Variants in LRRC7 observed in about 807,000 individuals in gnomAD.
LRRC7 encodes the protein leucine-rich repeat-containing protein 7.
Under a neutral mutation model 175.7 loss-of-function variants are expected in LRRC7, and 23 were observed. That is an observed-to-expected ratio of 0.13 (90% CI 0.09 to 0.19). The LOEUF (loss-of-function observed/expected upper bound fraction) is 0.19, where lower values mean the gene tolerates loss of function less well. Among genes scored for constraint, LRRC7 ranks in the 10% least tolerant of loss-of-function variants. LRRC7 has a pLI of 1.00. For synonymous variants in LRRC7, 685 were observed against 680.9 expected (o/e 1.01, Z -0.09); for missense variants, 1,354 against 1,904.7 (o/e 0.71, Z 5.38).
At chr1:69,595,288 C>T (rs986768656) in intron 1 of LRRC7, among the ~76,000 whole-genome samples, 10 of 152,026 alleles carry the variant, frequency 6.6e-5, no homozygotes, top group South Asian at 2.1e-4. Context: ...GGCGTGGTGG[C>T]GGGCACCTGT....
chr1:69,950,394 T>A (rs1649795211), intron 8 of LRRC7, among the ~76,000 whole-genome samples: 1 of 152,044 alleles, frequency 6.6e-6, no homozygotes, highest in Non-Finnish European at 1.5e-5. Flanking sequence ...TTGGAAAGCT[T>A]GAAGAAATTA....
chr1:69,657,563 T>C (rs1404111071), intron 1 of LRRC7, among the ~76,000 whole-genome samples: 1 of 151,892 alleles, frequency 6.6e-6, no homozygotes, highest in African/African-American at 2.4e-5. Flanking sequence ...TTTTCCCCGA[T>C]GTGTCTTCTG....
intron 1 of LRRC7, among the ~76,000 whole-genome samples, chr1:69,657,240 T>C (rs1656735992): frequency 6.6e-6 from 1 of 151,828 alleles, no homozygotes; most frequent in African/African-American, 2.4e-5. Flanking sequence ...CTATGATTAA[T>C]CTGAAAGACT....
intron 21 of LRRC7, among the ~76,000 whole-genome samples, chr1:70,040,747 G>T (rs1316894893): frequency 1.3e-5 from 2 of 152,154 alleles, no homozygotes; most frequent in African/African-American, 2.4e-5. Context: ...CCAGGAGGTG[G>T]AGGTTGCAGT....
rs373529857 is a variant in LRRC7 at position 69,916,259 on chromosome 1, A to C, written c.648-15248A>C. 3.6e-3 allele frequency among the ~76,000 whole-genome samples: 480 copies of C among 132,708 alleles called. 7 individuals are homozygous for C. The highest frequency in any genetic ancestry group is 0.012 in the African/African-American group (437 of 35,770). 87.1% of individuals were successfully genotyped at this position (132,708 alleles called of 152,430 possible). On this transcript the variant is annotated intron_variant, in intron 7 of 26. Transcript: ENST00000651989. ...ATATTTTATATAAAATAAAAATATA[A>C]ATATAAAATATAAATATATATCATA...
rs1666563311 is a variant in LRRC7 at position 70,129,113 on chromosome 1, G to T, written c.*7226G>T. On this transcript the variant is annotated 3_prime_UTR_variant, in exon 27 of 27. Transcript: ENST00000651989. Reference sequence around the variant, plus strand: ...ATATGAAAAATTAGCCGGGCATTGTGGCGCGCACCTGTAATCCTAGTTACT... The same window carrying T: ...ATATGAAAAATTAGCCGGGCATTGTTGCGCGCACCTGTAATCCTAGTTACT... 6.6e-6 allele frequency among the ~76,000 whole-genome samples: 1 copy of T among 152,066 alleles called. No homozygotes were observed. The highest frequency in any genetic ancestry group is 2.1e-4 in the South Asian group (1 of 4,820).
At chr1:69,856,776 A>G (rs1433510565) in intron 7 of LRRC7, among the ~76,000 whole-genome samples, 1 of 152,340 alleles carries the variant, frequency 6.6e-6, no homozygotes, top group Non-Finnish European at 1.5e-5. Flanking sequence ...GGCCAGCATC[A>G]TCCTGATACC....
chr1:69,658,674 A>C (rs1374239893), intron 1 of LRRC7, among the ~76,000 whole-genome samples: 1 of 152,084 alleles, frequency 6.6e-6, no homozygotes, highest in Non-Finnish European at 1.5e-5. Flanking sequence ...CATTATATAA[A>C]ACATACAAAG....
rs1215393106 is a variant in LRRC7, at chr1:70,133,926, T to G, written c.*12039T>G. Among the ~76,000 whole-genome samples, 1 of 152,180 alleles carries G rather than the reference T, an allele frequency of 6.6e-6. No homozygotes were observed. Among genetic ancestry groups the G allele is most frequent in the Non-Finnish European group, 1.5e-5 (1 of 68,030 alleles). On this transcript the variant is annotated 3_prime_UTR_variant, in exon 27 of 27. Transcript: ENST00000651989. ...AGTTACTCAAAATTTATTTTTAAAG[T>G]TAACTTTCCAAAACTTAAACATCAG... is the stretch of plus-strand genomic sequence containing the variant.
intron 23 of LRRC7, among the ~76,000 whole-genome samples, chr1:70,061,267 G>A (rs139932899): frequency 6.6e-6 from 1 of 152,264 alleles, no homozygotes; most frequent in Non-Finnish European, 1.5e-5. Context: ...TCCTTTCAGA[G>A]AGTCATTCTC....
At chr1:69,916,306 T>G (rs1187639092) in intron 7 of LRRC7, among the ~76,000 whole-genome samples, 2 of 138,314 alleles carry the variant, frequency 1.4e-5, no homozygotes, top group African/African-American at 5.3e-5. Flanking sequence ...TATAAAACTA[T>G]ATATATATAT....
chr1:69,989,898 C>T (rs1184441298), intron 10 of LRRC7, among the ~76,000 whole-genome samples: 2 of 152,052 alleles, frequency 1.3e-5, no homozygotes, highest in Non-Finnish European at 2.9e-5. Context: ...ACAAAAAGAG[C>T]TTATCTACAT....
intron 24 of LRRC7, among the ~76,000 whole-genome samples, chr1:70,085,582 A>C (rs550583648): frequency 6.6e-6 from 1 of 151,892 alleles, no homozygotes; most frequent in Admixed American, 6.6e-5. Context: ...CTTATTGTTC[A>C]TTGTTTGATC....
At chr1:69,710,785 A>G (rs936111625) in intron 2 of LRRC7, among the ~76,000 whole-genome samples, 3 of 152,090 alleles carry the variant, frequency 2.0e-5, no homozygotes, top group Non-Finnish European at 4.4e-5. Flanking sequence ...TTATATTTAA[A>G]TCTGTTTTAG....
chr1:69,661,803 G>A (rs1029371448), intron 1 of LRRC7, among the ~76,000 whole-genome samples: 1 of 152,078 alleles, frequency 6.6e-6, no homozygotes, highest in Non-Finnish European at 1.5e-5. Context: ...AGACATTTAT[G>A]AACATTTTGA....
In LRRC7 at chr1:70,136,721, CTTTTTTTTT is replaced by C. The variant is rs1204650835; in HGVS notation, c.*14850_*14858del. 2.0e-5 allele frequency among the ~76,000 whole-genome samples: 2 copies of C among 98,354 alleles called. No individual in the cohort carries two copies. The highest frequency in any genetic ancestry group is 8.6e-5 in the African/African-American group (2 of 23,368). The allele number at this position is 98,354 out of a possible 152,430, so 64.5% of individuals were successfully genotyped here. The stretch of plus-strand genomic sequence containing the variant: ...TTCTGCTTTATTGCTTTTTTAATGC[CTTTTTTTTT>C]TTTTTTTTTTTTTTTCTGAGACAGG... On this transcript the variant is annotated 3_prime_UTR_variant, in exon 27 of 27. Coordinates refer to ENST00000651989, the MANE Select transcript of LRRC7 (RefSeq NM_001370785.2).
chr1:70,029,063 C>A (rs530600659), intron 18 of LRRC7, among the ~76,000 whole-genome samples: 1 of 152,254 alleles, frequency 6.6e-6, no homozygotes, highest in South Asian at 2.1e-4. Flanking sequence ...GTTCACGTAA[C>A]TACTTCTCCA....
At chr1:69,726,059 T>A (rs1470861621) in intron 2 of LRRC7, among the ~76,000 whole-genome samples, 1 of 152,154 alleles carries the variant, frequency 6.6e-6, no homozygotes, top group Non-Finnish European at 1.5e-5. Context: ...CAGAAGAGAG[T>A]AAAATTCACA....
chr1:70,091,863 A>G (rs957221341), intron 25 of LRRC7, among the ~76,000 whole-genome samples: 1 of 152,180 alleles, frequency 6.6e-6, no homozygotes, highest in Non-Finnish European at 1.5e-5. Flanking sequence ...ACACTCTAAA[A>G]TCATTCATAA....
Sources: allele counts gnomAD v4.1 joint callset (sites outside exome capture counted in the v4.1 genomes callset), GRCh38; gene constraint gnomAD v4.1.1; transcripts MANE v1.5; gene names NCBI Gene and HGNC (gene_info 2026-07-23, HGNC 2026-07-21).